Variants in CLNK observed in about 807,000 individuals in gnomAD.
CLNK encodes cytokine dependent hematopoietic cell linker.
In CLNK, 74 loss-of-function variants were observed where a neutral mutation model predicts 68.6. The ratio of observed to expected loss-of-function variants is 1.08; its 90% CI spans 0.89 to 1.31. CLNK has a LOEUF of 1.31. Among genes scored for constraint, CLNK ranks in the 50% most tolerant of loss-of-function variants. CLNK has a pLI of 0.00. For synonymous variants in CLNK, 198 were observed against 172.2 expected, an observed-to-expected ratio of 1.15 and a Z score of -1.17; for missense variants, 553 against 515.3, an observed-to-expected ratio of 1.07 and a Z score of -0.71.
intron 2 of CLNK, among the ~76,000 whole-genome samples, chr4:10,604,421 C>G (rs565927253): frequency 6.6e-6 from 1 of 152,150 alleles, no homozygotes; most frequent in Non-Finnish European, 1.5e-5. Flanking sequence ...TTCATGCACA[C>G]GCTTCTTCTA....
chr4:10,643,785 T>A (rs1723408039), intron 2 of CLNK, among the ~76,000 whole-genome samples: 1 of 152,234 alleles, frequency 6.6e-6, no homozygotes, highest in Admixed American at 6.5e-5. Context: ...AGAGGGAAAT[T>A]CCACCATGAC....
chr4:10,602,344 C>A (rs981687683), intron 2 of CLNK, among the ~76,000 whole-genome samples: 1 of 152,110 alleles, frequency 6.6e-6, no homozygotes, highest in Non-Finnish European at 1.5e-5. Flanking sequence ...GTACATGTGA[C>A]CTTATTTGGA....
At chr4:10,709,762 A>G in the CLNK span, among the ~76,000 whole-genome samples, 3 of 152,144 alleles carry the variant, frequency 2.0e-5, no homozygotes, top group African/African-American at 7.2e-5. Context: ...CTGTTAAGTA[A>G]CCCACCAAAT....
chr4:10,513,623 G>T, intron 15 of CLNK, 26 bp from the exon 16 acceptor site: 1 of 1,570,846 alleles, frequency 6.4e-7, no homozygotes, highest in Non-Finnish European at 8.6e-7. Flanking sequence ...TCACATTTCA[G>T]TGTGATTTTG....
chr4:10,691,995 T>C, the CLNK span: 1 of 152,148 alleles, frequency 6.6e-6, no homozygotes, highest in Non-Finnish European at 1.5e-5. Context: ...GGGACAGGAC[T>C]TTTCAACTTT....
chr4:10,701,003 C>T, the CLNK span, among the ~76,000 whole-genome samples: 3 of 152,080 alleles, frequency 2.0e-5, no homozygotes, highest in South Asian at 4.1e-4. Context: ...TCGTGATCAC[C>T]GTCTGCACCC....
chr4:10,717,187 C>T, the CLNK span, among the ~76,000 whole-genome samples: 1 of 152,168 alleles, frequency 6.6e-6, no homozygotes, highest in African/African-American at 2.4e-5. Context: ...CAATAAAAAG[C>T]CCCCTCTCCA....
chr4:10,550,592 A>T (rs1403549564), intron 8 of CLNK, among the ~76,000 whole-genome samples: 1 of 152,208 alleles, frequency 6.6e-6, no homozygotes, highest in East Asian at 1.9e-4. Context: ...CTCACGATGG[A>T]TGTCTGAAAC....
At chr4:10,663,257 T>C (rs1291010255) in intron 2 of CLNK, among the ~76,000 whole-genome samples, 1 of 152,162 alleles carries the variant, frequency 6.6e-6, no homozygotes, top group African/African-American at 2.4e-5. Context: ...GTTTAATGGA[T>C]TGCTAGGGAA....
intron 2 of CLNK, among the ~76,000 whole-genome samples, chr4:10,617,724 GAAAAGACTGA>G (rs1372868007): frequency 6.6e-6 from 1 of 152,198 alleles, no homozygotes; most frequent in Non-Finnish European, 1.5e-5. Context: ...CATATAGCCA[GAAAAGACTGA>G]AAAAGACGGA....
At chr4:10,556,540 C>T (rs527797451) in intron 8 of CLNK, among the ~76,000 whole-genome samples, 69 of 152,198 alleles carry the variant, frequency 4.5e-4, no homozygotes, top group Non-Finnish European at 9.6e-4. Context: ...AGAGTGGATG[C>T]CCATAGTGAA....
chr4:10,619,291 G>A (rs1475426282), intron 2 of CLNK, among the ~76,000 whole-genome samples: 1 of 152,158 alleles, frequency 6.6e-6, no homozygotes, highest in African/African-American at 2.4e-5. Flanking sequence ...GTAATCACCG[G>A]CTAGGAAAAT....
intron 15 of CLNK, among the ~76,000 whole-genome samples, chr4:10,518,162 T>C (rs1327063714): frequency 6.6e-6 from 1 of 152,000 alleles, no homozygotes; most frequent in East Asian, 1.9e-4. Flanking sequence ...CACAATAAAT[T>C]TGAGGGAGAG....
At chr4:10,699,041 T>C in the CLNK span, among the ~76,000 whole-genome samples, 1 of 151,944 alleles carries the variant, frequency 6.6e-6, no homozygotes. Context: ...ACTTACACCA[T>C]TGGCTTTCCC....
intron 17 of CLNK, 85 bp from the exon 18 acceptor site, chr4:10,501,496 A>G (rs940579289): frequency 5.2e-6 from 7 of 1,356,424 alleles, no homozygotes; most frequent in African/African-American, 1.5e-5. Context: ...GTCTGCATGC[A>G]TGAGATTCCC....
rs910019339 is a variant in CLNK, at chr4:10,584,919, C to T, written c.112+8G>A. ...CCACCACTTAGGTGACAGAGAGCCC[C>T]GACTCACCTGTGGCACTATTGATGC... On this transcript the variant is annotated splice_region_variant and intron_variant, in intron 4 of 18. Transcript: ENST00000226951. 7.4e-6 allele frequency: 12 copies of T among 1,613,514 alleles called. No homozygotes were observed. Among genetic ancestry groups the T allele is most frequent in the African/African-American group, 4.0e-5 (3 of 74,898 alleles).
At chr4:10,689,745 ATTTT>A (rs71651341), upstream of CLNK, among the ~76,000 whole-genome samples, 684 of 100,090 alleles carry the variant, frequency 6.8e-3, 18 homozygotes, top group African/African-American at 0.023. Flanking sequence ...AAACCCATGC[ATTTT>A]TTTTTTTTTT....
the CLNK span, among the ~76,000 whole-genome samples, chr4:10,705,126 A>C: frequency 1.3e-5 from 2 of 152,228 alleles, no homozygotes; most frequent in African/African-American, 4.8e-5. Context: ...CTCATTACCA[A>C]CATTTGCATA....
chr4:10,669,769 G>A (rs1458289308), intron 1 of CLNK, among the ~76,000 whole-genome samples: 5 of 151,964 alleles, frequency 3.3e-5, no homozygotes, highest in Non-Finnish European at 7.4e-5. Flanking sequence ...TCATCCCCTC[G>A]TCTTATGCTT....
Sources: gnomAD v4.1 joint callset for allele counts (sites outside exome capture counted in the v4.1 genomes callset) on GRCh38, gnomAD v4.1.1 for gene constraint, MANE v1.5 for transcripts, NCBI Gene and HGNC (gene_info 2026-07-23, HGNC 2026-07-21) for gene names.